Variants in HECW1 observed in about 807,000 individuals in gnomAD.
HECW1 encodes the protein E3 ubiquitin-protein ligase HECW1.
Under a neutral mutation model 182.3 loss-of-function variants are expected in HECW1, and 61 were observed. The observed-to-expected ratio is 0.33, with a 90% confidence interval of 0.27 to 0.41. The LOEUF is 0.41. Ranked by LOEUF, HECW1 falls within the 10% of genes least tolerant of loss-of-function variation. HECW1 has a pLI of 1.00. For synonymous variants in HECW1, 859 were observed against 832.6 expected, an observed-to-expected ratio of 1.03 and a Z score of -0.55; for missense variants, 1,739 against 2,108.9, an observed-to-expected ratio of 0.82 and a Z score of 3.44.
At chr7:43,506,557 G>A (rs554204776) in intron 21 of HECW1, among the ~76,000 whole-genome samples, 1 of 152,276 alleles carries the variant, frequency 6.6e-6, no homozygotes, top group Admixed American at 6.5e-5. Flanking sequence ...TGAAGGGCTT[G>A]TGGGAGAAGA....
intron 5 of HECW1, among the ~76,000 whole-genome samples, chr7:43,343,521 G>T (rs2152801815): frequency 6.6e-6 from 1 of 151,770 alleles, no homozygotes; most frequent in African/African-American, 2.4e-5. Context: ...GCAGTGTTTG[G>T]TTTTCTGTCC....
rs569375717 is a variant in HECW1 at position 43,334,862 on chromosome 7, C to CT, written c.460+14121dup. On this transcript the variant is annotated intron_variant, in intron 5 of 29. Coordinates refer to ENST00000395891, the MANE Select transcript of HECW1 (RefSeq NM_015052.5). ...ACCAGAGAATGGCATATGAAATACT[C>CT]TATCTCTATACCGAGTCTAGAAATT... Among the ~76,000 whole-genome samples, 7 of 152,322 alleles carry CT rather than the reference C, an allele frequency of 4.6e-5. No homozygotes were observed. The South Asian group carries it at 1.2e-3, about 27-fold the overall frequency.
intron 24 of HECW1, among the ~76,000 whole-genome samples, chr7:43,540,386 G>T (rs543500546): frequency 3.5e-4 from 53 of 152,350 alleles, no homozygotes; most frequent in African/African-American, 1.3e-3. Context: ...TAGGATGCTA[G>T]ACCAGGCAGG....
chr7:43,323,099 T>G (rs995938526), intron 5 of HECW1, among the ~76,000 whole-genome samples: 4 of 152,182 alleles, frequency 2.6e-5, no homozygotes, highest in African/African-American at 9.7e-5. Context: ...CTCCTGACTA[T>G]CTCCTCATTT....
chr7:43,508,984 C>T lies in HECW1; in HGVS notation c.3882C>T (p.Gly1294=), dbSNP rs759062402. 1.9e-6 allele frequency: 3 copies of T among 1,613,878 alleles called. No homozygotes were observed. In the Middle Eastern group the frequency reaches 5.1e-4, roughly 272 times the overall value. The change falls in exon 24 of 30, where the codon GGC becomes GGT. Residue 1294 remains glycine (G), a synonymous_variant. Coordinates refer to ENST00000395891, the MANE Select transcript of HECW1 (RefSeq NM_015052.5). Reference sequence around the variant, plus strand: ...TTCTTTGCAGCCTGGACTACAGTGGCCCCTCGCGGGAGTTCTTCTTCCTTC... The same window carrying T: ...TTCTTTGCAGCCTGGACTACAGTGGTCCCTCGCGGGAGTTCTTCTTCCTTC... ...FVGEEGLDYS[G]PSREFFFLLS...
chr7:43,293,627 C>T (rs897270971), intron 3 of HECW1, among the ~76,000 whole-genome samples: 1 of 152,252 alleles, frequency 6.6e-6, no homozygotes, highest in Non-Finnish European at 1.5e-5. Flanking sequence ...TTTCTTGTAG[C>T]TTCAGTCCTC....
At chr7:43,273,063 G>A (rs1232059173) in intron 3 of HECW1, among the ~76,000 whole-genome samples, 1 of 152,168 alleles carries the variant, frequency 6.6e-6, no homozygotes, top group Non-Finnish European at 1.5e-5. Context: ...GCAAATTAGT[G>A]CAGGAACAGA....
At chr7:43,192,609 C>G (rs763366179) in intron 2 of HECW1, among the ~76,000 whole-genome samples, 2 of 152,014 alleles carry the variant, frequency 1.3e-5, no homozygotes, top group Non-Finnish European at 2.9e-5. Context: ...TAATAACTTA[C>G]GCGTGCTTAT....
chr7:43,414,008 T>G (rs1037148297), intron 8 of HECW1, among the ~76,000 whole-genome samples: 45 of 151,010 alleles, frequency 3.0e-4, no homozygotes, highest in African/African-American at 1.0e-3. Flanking sequence ...ATTGGTAGCT[T>G]GATGGGGATG....
chr7:43,415,487 G>T (rs1447003650), intron 8 of HECW1, among the ~76,000 whole-genome samples: 1 of 151,972 alleles, frequency 6.6e-6, no homozygotes, highest in Non-Finnish European at 1.5e-5. Context: ...CAACTTTGGT[G>T]AATCTGACAA....
intron 2 of HECW1, among the ~76,000 whole-genome samples, chr7:43,222,883 T>A (rs1797105555): frequency 6.6e-6 from 1 of 152,208 alleles, no homozygotes; most frequent in Non-Finnish European, 1.5e-5. Flanking sequence ...TCCCATCTTA[T>A]GACCTATTTC....
At chr7:43,532,246 C>T (rs1272723803) in intron 24 of HECW1, among the ~76,000 whole-genome samples, 4 of 152,076 alleles carry the variant, frequency 2.6e-5, no homozygotes, top group Admixed American at 2.6e-4. Context: ...CTTGAGAATA[C>T]ATCCAGACTC....
At chr7:43,327,120 T>A (rs539974545) in intron 5 of HECW1, among the ~76,000 whole-genome samples, 482 of 152,324 alleles carry the variant, frequency 3.2e-3, no homozygotes, top group African/African-American at 0.011. Flanking sequence ...CAATCTGTGC[T>A]ACAATAAATA....
At chr7:43,557,037 T>C (rs797021971) in intron 29 of HECW1, among the ~76,000 whole-genome samples, 28 of 152,070 alleles carry the variant, frequency 1.8e-4, no homozygotes, top group African/African-American at 6.5e-4. Flanking sequence ...ACTCCCTGAA[T>C]AGTGACCCCT....
intron 3 of HECW1, among the ~76,000 whole-genome samples, chr7:43,246,909 G>A (rs17796282): frequency 0.029 from 4,386 of 152,182 alleles, 136 homozygotes; most frequent in East Asian, 0.19. Context: ...GTGTTGGGTG[G>A]GAATGGCTAG....
intron 2 of HECW1, among the ~76,000 whole-genome samples, chr7:43,238,465 A>G (rs1004240306): frequency 1.3e-5 from 2 of 152,196 alleles, no homozygotes; most frequent in African/African-American, 4.8e-5. Context: ...GTTGCCTGGT[A>G]TGGAGTTAGA....
intron 29 of HECW1, among the ~76,000 whole-genome samples, chr7:43,559,527 C>T (rs1585306403): frequency 6.6e-6 from 1 of 152,268 alleles, no homozygotes; most frequent in East Asian, 1.9e-4. Context: ...TTGATCCTCC[C>T]CATAACCCTT....
intron 3 of HECW1, among the ~76,000 whole-genome samples, chr7:43,266,448 C>T (rs1801812691): frequency 6.6e-6 from 1 of 152,186 alleles, no homozygotes; most frequent in Admixed American, 6.5e-5. Context: ...CAATTCTCTG[C>T]CTCAGCCTCC....
chr7:43,407,826 G>A, intron 8 of HECW1, 95 bp downstream of exon 8: 1 of 1,111,152 alleles, frequency 9.0e-7, no homozygotes, highest in South Asian at 1.6e-5. Context: ...TGGAGCCCTG[G>A]ACTCTGCTGC....
Sources: gnomAD v4.1 joint callset for allele counts (sites outside exome capture counted in the v4.1 genomes callset) on GRCh38, gnomAD v4.1.1 for gene constraint, MANE v1.5 for transcripts, NCBI Gene and HGNC (gene_info 2026-07-23, HGNC 2026-07-21) for gene names.